The following RAD51B variants were observed in gnomAD, a reference collection of about 807,000 sequenced individuals.
RAD51B encodes the protein RAD51 paralog B, also known as DNA repair protein RAD51 homolog 2.
RAD51B carries 38 observed loss-of-function variants against 42.2 expected under a neutral mutation model. The observed-to-expected ratio is 0.90, with a 90% CI of 0.70 to 1.18. The LOEUF (loss-of-function observed/expected upper bound fraction) is 1.18, where lower values mean the gene tolerates loss of function less well. Among genes scored for constraint, RAD51B ranks in the 50% most tolerant of loss-of-function variants. RAD51B has a pLI of 0.00. For synonymous variants in RAD51B, 154 were observed against 145.2 expected (o/e 1.06, Z -0.43); for missense variants, 373 against 400.7 (o/e 0.93, Z 0.59).
intron 7 of RAD51B, among the ~76,000 whole-genome samples, chr14:68,088,801 A>G (rs2077042859): frequency 6.6e-6 from 1 of 152,064 alleles, no homozygotes; most frequent in Admixed American, 6.6e-5. Context: ...CAGTTGCTGT[A>G]TGGGCGTAAC....
At chr14:67,871,876 A>G (rs2042545741) in intron 5 of RAD51B, among the ~76,000 whole-genome samples, 3 of 152,210 alleles carry the variant, frequency 2.0e-5, no homozygotes, top group Non-Finnish European at 4.4e-5. Context: ...GGCCTTTGAC[A>G]AAATTCAACA....
chr14:68,650,781 A>G, exon 11 of RAD51B: 2 of 758,730 alleles, frequency 2.6e-6, no homozygotes, highest in East Asian at 2.4e-5. Context: ...GTTTACACAG[A>G]ATTTTGGCAC....
chr14:68,394,595 C>T (rs2083858518), intron 8 of RAD51B, among the ~76,000 whole-genome samples: 1 of 152,198 alleles, frequency 6.6e-6, no homozygotes, highest in South Asian at 2.1e-4. Context: ...TTTTCAGAGA[C>T]CCAGATTTCT....
chr14:68,211,270 A>C (rs1030833443), intron 7 of RAD51B, among the ~76,000 whole-genome samples: 11 of 152,038 alleles, frequency 7.2e-5, no homozygotes, highest in Non-Finnish European at 1.5e-4. Context: ...GGCTACTTCC[A>C]CTTTTAGTTC....
chr14:68,005,304 G>A (rs569748697), intron 7 of RAD51B, among the ~76,000 whole-genome samples: 118 of 151,888 alleles, frequency 7.8e-4, no homozygotes, highest in African/African-American at 2.8e-3. Context: ...TGCCTGCCTC[G>A]ACCTCCCAAA....
chr14:67,889,519 A>G (rs2140061010), intron 7 of RAD51B, among the ~76,000 whole-genome samples: 1 of 148,252 alleles, frequency 6.7e-6, no homozygotes, highest in South Asian at 2.1e-4. Flanking sequence ...ATATAAATAT[A>G]TAAAAATAAA....
chr14:68,195,366 T>A (rs951041493), intron 7 of RAD51B, among the ~76,000 whole-genome samples: 2 of 152,146 alleles, frequency 1.3e-5, no homozygotes, highest in Admixed American at 1.3e-4. Context: ...GAGCATTAAA[T>A]CTGTCAACAT....
At chr14:67,957,979 A>G (rs559978197) in intron 7 of RAD51B, among the ~76,000 whole-genome samples, 5 of 152,346 alleles carry the variant, frequency 3.3e-5, no homozygotes, top group African/African-American at 1.2e-4. Flanking sequence ...GTCCTCACCA[A>G]TTACAGAGAA....
At chr14:68,286,602 T>G (rs549818385) in intron 7 of RAD51B, among the ~76,000 whole-genome samples, 1 of 152,220 alleles carries the variant, frequency 6.6e-6, no homozygotes, top group Non-Finnish European at 1.5e-5. Flanking sequence ...CTGTACATTC[T>G]AGTACTCATG....
At chr14:67,991,949 T>C (rs532123659) in intron 7 of RAD51B, among the ~76,000 whole-genome samples, 3 of 152,098 alleles carry the variant, frequency 2.0e-5, no homozygotes, top group African/African-American at 7.2e-5. Flanking sequence ...ATGGCTTAGA[T>C]GTAGGGGTAG....
At chr14:68,269,546 A>G (rs1307461256) in intron 7 of RAD51B, among the ~76,000 whole-genome samples, 1 of 149,438 alleles carries the variant, frequency 6.7e-6, no homozygotes, top group Non-Finnish European at 1.5e-5. Flanking sequence ...CTCAGACAGG[A>G]CTCCCCTGAC....
chr14:68,097,451 C>T (rs1460149430), intron 7 of RAD51B, among the ~76,000 whole-genome samples: 1 of 152,132 alleles, frequency 6.6e-6, no homozygotes, highest in Non-Finnish European at 1.5e-5. Flanking sequence ...ATTCAAATGA[C>T]ACTTCAGACC....
Position 68,461,239 on chromosome 14 carries a change from A to C in RAD51B, c.958-6933A>C, listed in dbSNP as rs947052132. The stretch of plus-strand genomic sequence containing the variant: ...TTCAGGGATGAAGGGCAGAATGAAG[A>C]CTGCCAGTGTGGAAGCTTGCGAACA... On this transcript the variant is annotated intron_variant, in intron 9 of 10. Transcript: ENST00000471583. Among the ~76,000 whole-genome samples the C allele has an allele frequency of 2.6e-5, 4 of 151,834 alleles. No homozygotes were observed. In the East Asian group the frequency reaches 7.7e-4, roughly 29 times the overall value.
intron 7 of RAD51B, among the ~76,000 whole-genome samples, chr14:68,067,425 C>T (rs919309916): frequency 6.9e-6 from 1 of 144,660 alleles, no homozygotes; most frequent in Non-Finnish European, 1.5e-5. Flanking sequence ...GATTGTGCCA[C>T]TGCACTCCAA....
intron 7 of RAD51B, among the ~76,000 whole-genome samples, chr14:67,996,361 A>G (rs1595227139): frequency 6.6e-6 from 1 of 151,852 alleles, no homozygotes; most frequent in Non-Finnish European, 1.5e-5. Flanking sequence ...ATGACACTGC[A>G]CTCCAGCCTG....
At chr14:68,163,329 C>A (rs1409605581) in intron 7 of RAD51B, among the ~76,000 whole-genome samples, 1 of 152,194 alleles carries the variant, frequency 6.6e-6, no homozygotes, top group Non-Finnish European at 1.5e-5. Context: ...AATTACAAGT[C>A]CATTCCTTTC....
At chr14:68,248,857 C>A in intron 7 of RAD51B, among the ~76,000 whole-genome samples, 1 of 146,554 alleles carries the variant, frequency 6.8e-6, no homozygotes, top group Non-Finnish European at 1.5e-5. Flanking sequence ...GCGGACACAG[C>A]CTGCAGGCAG....
At chr14:68,253,619 CAT>C (rs543480678) in intron 7 of RAD51B, among the ~76,000 whole-genome samples, 190 of 152,280 alleles carry the variant, frequency 1.2e-3, no homozygotes, top group African/African-American at 4.1e-3. Flanking sequence ...AAGCAAAACA[CAT>C]TTCTTTAAAA....
At chr14:67,881,065 A>G (rs891640577) in intron 5 of RAD51B, among the ~76,000 whole-genome samples, 1 of 152,240 alleles carries the variant, frequency 6.6e-6, no homozygotes, top group African/African-American at 2.4e-5. Context: ...GAACCTGTAC[A>G]GCATGTTACT....
Sources: allele counts gnomAD v4.1 joint callset (sites outside exome capture counted in the v4.1 genomes callset), GRCh38; gene constraint gnomAD v4.1.1; transcripts MANE v1.5; gene names NCBI Gene and HGNC (gene_info 2026-07-23, HGNC 2026-07-21).